The following PARD3B variants were observed in gnomAD, a reference collection of about 807,000 sequenced individuals.
The protein encoded by PARD3B is partitioning defective 3 homolog B.
PARD3B carries 103 observed loss-of-function variants against 130.2 expected under a neutral mutation model. The ratio of observed to expected loss-of-function variants is 0.79; its 90% CI spans 0.67 to 0.93. The LOEUF (loss-of-function observed/expected upper bound fraction) is 0.93, where lower values mean the gene tolerates loss of function less well. Among genes scored for constraint, PARD3B ranks in the 40% least tolerant of loss-of-function variants. PARD3B has a pLI of 0.00. For synonymous variants in PARD3B, 583 were observed against 553.2 expected (o/e 1.05, Z -0.76); for missense variants, 1,609 against 1,499.2 (o/e 1.07, Z -1.21).
chr2:205,450,662 G>A (rs2048069052), intron 20 of PARD3B, among the ~76,000 whole-genome samples: 1 of 151,786 alleles, frequency 6.6e-6, no homozygotes, highest in Non-Finnish European at 1.5e-5. Flanking sequence ...TTTTAGCAGA[G>A]ACAGGGTTTC....
rs1329302501 is a variant in PARD3B, at chr2:205,568,206, T to TCAAAGCA, written c.3260+14803_3260+14804insCAAAGCA. ...GGCTCAGGGTTCAAAGCAGATCAGTTGTGGTTGCCTTTCGTGAGAGAAAAC... is the reference window on the plus strand; with the variant it reads ...GGCTCAGGGTTCAAAGCAGATCAGTTCAAAGCAGTGGTTGCCTTTCGTGAGAGAAAAC... On this transcript the variant is annotated intron_variant, in intron 22 of 22. Transcript: ENST00000406610. This position sits in a 1 kb window ranked among gnomAD's most constrained non-coding sequence, Gnocchi z 5.3. Among the ~76,000 whole-genome samples the TCAAAGCA allele has an allele frequency of 6.6e-6, 1 of 152,058 alleles. No homozygotes were observed. The highest frequency in any genetic ancestry group is 1.5e-5 in the Non-Finnish European group (1 of 68,004).
chr2:205,536,840 T>A (rs147796444), intron 21 of PARD3B, among the ~76,000 whole-genome samples: 143 of 152,262 alleles, frequency 9.4e-4, no homozygotes, highest in Middle Eastern at 3.4e-3. Flanking sequence ...TAGCCTTCAG[T>A]AGGAAGAGTT....
rs573311401 is a variant in PARD3B, at chr2:204,979,066, C to T, written c.394+13743C>T. ...AAATGAATACAAAAAATTAGCCGGGCGTGGTGGCGGGCGCCTTTAGTCCCA... is the reference window on the plus strand; with the variant it reads ...AAATGAATACAAAAAATTAGCCGGGTGTGGTGGCGGGCGCCTTTAGTCCCA... On this transcript the variant is annotated intron_variant, in intron 3 of 22. Transcript: ENST00000406610. 6.6e-5 allele frequency among the ~76,000 whole-genome samples: 10 copies of T among 150,768 alleles called. No individual in the cohort carries two copies. In the South Asian group the frequency reaches 1.3e-3, roughly 19 times the overall value.
chr2:205,399,453 C>T (rs1255677717), intron 18 of PARD3B, among the ~76,000 whole-genome samples: 1 of 151,740 alleles, frequency 6.6e-6, no homozygotes, highest in African/African-American at 2.4e-5. Context: ...CTCCTGTGTT[C>T]AAGTGATTCT....
intron 18 of PARD3B, among the ~76,000 whole-genome samples, chr2:205,343,883 A>G (rs542060993): frequency 2.0e-5 from 3 of 152,048 alleles, no homozygotes; most frequent in South Asian, 2.1e-4. Flanking sequence ...TTGGCCCCAT[A>G]TAATACAGGA....
At chr2:204,966,460 C>T (rs139190025) in intron 3 of PARD3B, among the ~76,000 whole-genome samples, 1 of 152,270 alleles carries the variant, frequency 6.6e-6, no homozygotes, top group Non-Finnish European at 1.5e-5. Context: ...ACAGCCCCAT[C>T]ATTCATTTGC....
At chr2:205,213,926 A>G (rs1388786997) in intron 15 of PARD3B, among the ~76,000 whole-genome samples, 1 of 152,146 alleles carries the variant, frequency 6.6e-6, no homozygotes, top group African/African-American at 2.4e-5. Context: ...TGAATAAATT[A>G]GGCAATCACT....
At chr2:204,635,971 C>G (rs1365944889) in intron 1 of PARD3B, among the ~76,000 whole-genome samples, 1 of 152,052 alleles carries the variant, frequency 6.6e-6, no homozygotes, top group Non-Finnish European at 1.5e-5. Flanking sequence ...CCAGGATAGC[C>G]TTCCTAATTA....
intron 20 of PARD3B, among the ~76,000 whole-genome samples, chr2:205,485,578 C>T (rs1161714192): frequency 6.6e-6 from 1 of 152,138 alleles, no homozygotes; most frequent in Non-Finnish European, 1.5e-5. Flanking sequence ...TAGCGTCTCC[C>T]AGAGTTCTCT....
intron 19 of PARD3B, among the ~76,000 whole-genome samples, chr2:205,425,478 C>T (rs1335297001): frequency 1.4e-5 from 2 of 147,928 alleles, no homozygotes; most frequent in Non-Finnish European, 3.0e-5. Context: ...TGCCATTTGG[C>T]ATTGTAAAAA....
At chr2:205,057,607 G>GTATGTGTATACATATATATATACATA (rs1553605803) in intron 4 of PARD3B, among the ~76,000 whole-genome samples, 1 of 68,470 alleles carries the variant, frequency 1.5e-5, no homozygotes, top group South Asian at 6.3e-4. Context: ...ACATATATGT[G>GTATGTGTATACATATATATATACATA]TATGTGTATG....
Position 205,244,682 on chromosome 2 carries a change from T to G in PARD3B, c.2141-1096T>G, listed in dbSNP as rs1045042316. Among the ~76,000 whole-genome samples the G allele has an allele frequency of 2.6e-5, 4 of 152,188 alleles. No homozygotes were observed. The highest frequency in any genetic ancestry group is 9.7e-5 in the African/African-American group (4 of 41,444). The stretch of plus-strand genomic sequence containing the variant: ...AGTTTTACTTATAAACACATTTTTT[T>G]TTTCAAAAAACTACTATAGGGCGAC... On this transcript the variant is annotated intron_variant, in intron 15 of 22. Coordinates refer to ENST00000406610, the MANE Select transcript of PARD3B (RefSeq NM_001302769.2). This position sits in a 1 kb window ranked among gnomAD's most constrained non-coding sequence, Gnocchi z 4.7.
intron 2 of PARD3B, among the ~76,000 whole-genome samples, chr2:204,775,505 T>C (rs2041579682): frequency 6.6e-6 from 1 of 152,152 alleles, no homozygotes; most frequent in Admixed American, 6.6e-5. Flanking sequence ...AGCTTCTTTA[T>C]GTAAATGGAG....
chr2:205,087,576 G>C (rs1467847621), intron 4 of PARD3B, among the ~76,000 whole-genome samples: 1 of 152,010 alleles, frequency 6.6e-6, no homozygotes, highest in Non-Finnish European at 1.5e-5. Context: ...TATAAAACCT[G>C]TTTTTGTAAT....
intron 1 of PARD3B, among the ~76,000 whole-genome samples, chr2:204,646,008 A>G (rs1486446979): frequency 6.6e-6 from 1 of 152,038 alleles, no homozygotes; most frequent in African/African-American, 2.4e-5. Flanking sequence ...CTTCTTGTCT[A>G]AGGATGCTTT....
chr2:204,759,293 C>G (rs1181304019), intron 2 of PARD3B, among the ~76,000 whole-genome samples: 1 of 152,022 alleles, frequency 6.6e-6, no homozygotes, highest in Non-Finnish European at 1.5e-5. Context: ...AGTATGTATA[C>G]CTGGTAAAGT....
intron 2 of PARD3B, among the ~76,000 whole-genome samples, chr2:204,946,923 T>A (rs1411594012): frequency 6.6e-6 from 1 of 152,158 alleles, no homozygotes; most frequent in Non-Finnish European, 1.5e-5. Context: ...AACACCAAAA[T>A]GTTCAGCTCA....
Position 205,591,561 on chromosome 2 carries a change from G to A in PARD3B, c.3261-23895G>A, listed in dbSNP as rs1189757254. On this transcript the variant is annotated intron_variant, in intron 22 of 22. Transcript: ENST00000406610. This position sits in a 1 kb window ranked among gnomAD's most constrained non-coding sequence, Gnocchi z 4.2. ...CCATTACTATCCCAATTTGACAGAG[G>A]AAGAAACAGACTGTCTTACAGAGGA... 6.6e-6 allele frequency among the ~76,000 whole-genome samples: 1 copy of A among 152,154 alleles called. No individual in the cohort carries two copies. The highest frequency in any genetic ancestry group is 1.5e-5 in the Non-Finnish European group (1 of 68,030).
rs1397112862 is a variant in PARD3B, at chr2:204,965,138, G to A, written c.223-14G>A. The A allele has an allele frequency of 1.2e-6, 2 of 1,611,010 alleles. No individual in the cohort carries two copies. The highest frequency in any genetic ancestry group is 1.7e-6 in the Non-Finnish European group (2 of 1,177,968). On this transcript the variant is annotated splice_polypyrimidine_tract_variant and intron_variant, in intron 2 of 22. Coordinates refer to ENST00000406610, the MANE Select transcript of PARD3B (RefSeq NM_001302769.2). ...GTCCTACAAAGTAATTAGTGTTGTT[G>A]GATTTGTTTGTAGCTGATTGCTGTG...
Sources: allele counts gnomAD v4.1 joint callset (sites outside exome capture counted in the v4.1 genomes callset), GRCh38; gene constraint gnomAD v4.1.1; non-coding constraint Gnocchi (gnomAD v3.1); transcripts MANE v1.5; gene names NCBI Gene and HGNC (gene_info 2026-07-23, HGNC 2026-07-21).